SUSD4: variants seen among roughly 807,000 people sequenced by gnomAD.
SUSD4 encodes the protein sushi domain containing 4.
In SUSD4, 41 loss-of-function variants were observed where a neutral mutation model predicts 50.5. The ratio of observed to expected loss-of-function variants is 0.81; its 90% confidence interval spans 0.63 to 1.05. The LOEUF is 1.05. SUSD4 is among the 50% of genes least tolerant of loss of function. The pLI is 0.00. For synonymous variants in SUSD4, 257 were observed against 257.3 expected, an observed-to-expected ratio of 1.00 and a Z score of 0.01; for missense variants, 580 against 634.7, an observed-to-expected ratio of 0.91 and a Z score of 0.93.
At chr1:223,351,321 G>T (rs988633790) in intron 2 of SUSD4, among the ~76,000 whole-genome samples, 27 of 152,344 alleles carry the variant, frequency 1.8e-4, no homozygotes, top group African/African-American at 6.3e-4. Context: ...TAAAGTAGGG[G>T]CACAGTCAAG....
At chr1:223,329,056 C>T (rs2103266220) in intron 2 of SUSD4, among the ~76,000 whole-genome samples, 1 of 152,286 alleles carries the variant, frequency 6.6e-6, no homozygotes, top group South Asian at 2.1e-4. Context: ...ATGACCCCGT[C>T]CTAAGACTCA....
intron 2 of SUSD4, among the ~76,000 whole-genome samples, chr1:223,318,724 C>A (rs1175799683): frequency 6.6e-6 from 1 of 151,644 alleles, no homozygotes; most frequent in Non-Finnish European, 1.5e-5. Flanking sequence ...AATGGCCATA[C>A]TGCCCAAGGT....
intron 5 of SUSD4, among the ~76,000 whole-genome samples, chr1:223,238,353 G>T (rs1442394602): frequency 6.6e-6 from 1 of 151,792 alleles, no homozygotes; most frequent in Non-Finnish European, 1.5e-5. Flanking sequence ...ATTGATTCCT[G>T]CTCTAATTCT....
chr1:223,264,392 G>T, intron 5 of SUSD4: 3 of 1,217,442 alleles, frequency 2.5e-6, no homozygotes, highest in East Asian at 3.5e-5. Flanking sequence ...TTTAATGTTC[G>T]CAACTTTTTC....
At position 223,239,447 on chromosome 1, in the gene SUSD4, G is replaced by T. The variant is rs146246615; in HGVS notation, c.725-10059C>A. Among the ~76,000 whole-genome samples the T allele has an allele frequency of 1.7e-3, 263 of 151,942 alleles. 6 individuals carry two copies. In the East Asian group the frequency reaches 0.041, roughly 24 times the overall value. On this transcript the variant is annotated intron_variant, in intron 5 of 8. Coordinates refer to ENST00000366878, the MANE Select transcript of SUSD4 (RefSeq NM_017982.4). Reference sequence around the variant, plus strand: ...TCTTCCACTTTTTCATCCACTTCCAGCATTTCTTTTTGGTTTTAATTGAGC... The same window carrying T: ...TCTTCCACTTTTTCATCCACTTCCATCATTTCTTTTTGGTTTTAATTGAGC...
At chr1:223,234,679 T>C (rs1483033483) in intron 5 of SUSD4, among the ~76,000 whole-genome samples, 3 of 152,186 alleles carry the variant, frequency 2.0e-5, no homozygotes, top group African/African-American at 7.2e-5. Context: ...GATAATAGTT[T>C]TATCATAGCC....
chr1:223,300,570 C>T (rs940663105), intron 2 of SUSD4, among the ~76,000 whole-genome samples: 3 of 151,874 alleles, frequency 2.0e-5, no homozygotes, highest in Middle Eastern at 3.4e-3. Context: ...AAGAGTGTAT[C>T]AAATGTAGCC....
At chr1:223,341,350 A>T (rs949142620) in intron 2 of SUSD4, among the ~76,000 whole-genome samples, 1 of 152,204 alleles carries the variant, frequency 6.6e-6, no homozygotes, top group Non-Finnish European at 1.5e-5. Context: ...AGCATAGCGG[A>T]CAGCTTAAAA....
At chr1:223,328,762 G>A (rs1667015235) in intron 2 of SUSD4, among the ~76,000 whole-genome samples, 1 of 152,168 alleles carries the variant, frequency 6.6e-6, no homozygotes, top group African/African-American at 2.4e-5. Context: ...TCAGGGGCAG[G>A]CTCTGCTTCC....
intron 2 of SUSD4, among the ~76,000 whole-genome samples, chr1:223,311,671 G>A (rs899731272): frequency 2.6e-5 from 4 of 152,152 alleles, no homozygotes; most frequent in Admixed American, 6.5e-5. Context: ...ACAGAAATAG[G>A]CTCAGATTTT....
At chr1:223,295,988 G>A (rs1664797261) in intron 2 of SUSD4, among the ~76,000 whole-genome samples, 1 of 152,040 alleles carries the variant, frequency 6.6e-6, no homozygotes, top group Non-Finnish European at 1.5e-5. Flanking sequence ...TGGCTCCCAG[G>A]ACACCAGCTG....
intron 3 of SUSD4, among the ~76,000 whole-genome samples, chr1:223,277,268 C>T (rs534642107): frequency 8.6e-5 from 13 of 151,888 alleles, no homozygotes; most frequent in African/African-American, 2.4e-4. Flanking sequence ...AATATTTTAG[C>T]GAGTACTTAA....
rs1667234434 is a variant in SUSD4, at chr1:223,332,601, T to C, written c.148+30677A>G. Among the ~76,000 whole-genome samples, 1 of 152,188 alleles carries C rather than the reference T, an allele frequency of 6.6e-6. No homozygotes were observed. Among genetic ancestry groups the C allele is most frequent in the Non-Finnish European group, 1.5e-5 (1 of 68,018 alleles). ...TTGGATTCAAGACGTAAAAAATACA[T>C]CTCAGGCACTGAAACATGGCCTGAC... On this transcript the variant is annotated intron_variant, in intron 2 of 8. Coordinates refer to ENST00000366878, the MANE Select transcript of SUSD4 (RefSeq NM_017982.4). This position sits in a 1 kb window ranked among gnomAD's most constrained non-coding sequence, Gnocchi z 4.0.
At chr1:223,296,637 C>T (rs1664844459) in intron 2 of SUSD4, among the ~76,000 whole-genome samples, 1 of 152,142 alleles carries the variant, frequency 6.6e-6, no homozygotes, top group South Asian at 2.1e-4. Context: ...GCTGTGTCCC[C>T]ACCCAAATCT....
At chr1:223,278,807 G>A (rs1429371507) in intron 3 of SUSD4, among the ~76,000 whole-genome samples, 3 of 152,200 alleles carry the variant, frequency 2.0e-5, no homozygotes, top group African/African-American at 4.8e-5. Context: ...CTAACTGGGA[G>A]GCACCCCCCG....
rs1002269406 is a variant in SUSD4 at position 223,263,501 on chromosome 1, A to G, written c.724+1129T>C. The G allele has an allele frequency of 4.8e-5, 47 of 973,654 alleles. 1 individual carries two copies. Among genetic ancestry groups the G allele is most frequent in the Admixed American group, 3.1e-4 (5 of 16,256 alleles). 60.3% of individuals were successfully genotyped at this position (973,654 alleles called of 1,614,324 possible). A position where few individuals can be genotyped will look rare whatever the true frequency, so the allele number is the denominator to read the frequency against. On this transcript the variant is annotated intron_variant, in intron 5 of 8. Coordinates refer to ENST00000366878, the MANE Select transcript of SUSD4 (RefSeq NM_017982.4). Reference sequence around the variant, plus strand: ...TCTGGCATCTCTAGGCTAGGCTCCAATTCCCTGGGGGATTTGCGATGGGTG... The same window carrying G: ...TCTGGCATCTCTAGGCTAGGCTCCAGTTCCCTGGGGGATTTGCGATGGGTG...
At chr1:223,290,939 G>T (rs1664449462) in intron 3 of SUSD4, among the ~76,000 whole-genome samples, 2 of 151,944 alleles carry the variant, frequency 1.3e-5, no homozygotes, top group African/African-American at 4.8e-5. Context: ...TTTTGGCAGG[G>T]AAGTCTATAT....
chr1:223,307,055 G>C (rs1285376022), intron 2 of SUSD4, among the ~76,000 whole-genome samples: 4 of 146,490 alleles, frequency 2.7e-5, no homozygotes, highest in African/African-American at 9.9e-5. Context: ...TTTTTATAGA[G>C]ACAGGATCTC....
intron 3 of SUSD4, among the ~76,000 whole-genome samples, chr1:223,269,475 G>A (rs1160672112): frequency 4.6e-5 from 7 of 152,152 alleles, no homozygotes. Flanking sequence ...TCTACTTCCA[G>A]TTCACTGTGC....
Sources: gnomAD v4.1 joint callset for allele counts (sites outside exome capture counted in the v4.1 genomes callset) on GRCh38, gnomAD v4.1.1 for gene constraint, Gnocchi (gnomAD v3.1) non-coding constraint, MANE v1.5 for transcripts, NCBI Gene and HGNC (gene_info 2026-07-23, HGNC 2026-07-21) for gene names.